The following SLC4A8 variants were observed in gnomAD, a reference collection of about 807,000 sequenced individuals.
SLC4A8 encodes the protein electroneutral sodium bicarbonate exchanger 1.
Under a neutral mutation model 125.0 loss-of-function variants are expected in SLC4A8, and 40 were observed. The observed-to-expected ratio is 0.32, with a 90% CI of 0.25 to 0.42. The LOEUF (loss-of-function observed/expected upper bound fraction) is 0.42, where lower values mean the gene tolerates loss of function less well. Ranked by LOEUF, SLC4A8 falls within the 10% of genes least tolerant of loss-of-function variation. The pLI, the probability that SLC4A8 is intolerant of heterozygous loss-of-function variation, is 1.00. For missense variants in SLC4A8, 863 were observed against 1,355.1 expected, an observed-to-expected ratio of 0.64 and a Z score of 5.70; for synonymous variants, 456 against 476.0, an observed-to-expected ratio of 0.96 and a Z score of 0.55.
At chr12:51,414,589 A>G (rs1212506495) in intron 1 of SLC4A8, among the ~76,000 whole-genome samples, 2 of 152,054 alleles carry the variant, frequency 1.3e-5, no homozygotes, top group East Asian at 1.9e-4. Flanking sequence ...CGTCTCTACA[A>G]AAAATCATAA....
chr12:51,485,722 A>G (rs945612672), intron 16 of SLC4A8, 65 bp from the exon 17 acceptor site: 2 of 852,120 alleles, frequency 2.3e-6, no homozygotes, highest in Non-Finnish European at 3.9e-6. Flanking sequence ...GCCTTTTACA[A>G]TACTAACCTC....
chr12:51,462,420 C>T lies in SLC4A8; in HGVS notation c.1212C>T (p.Ser404=). 1 of 1,592,226 alleles carries T rather than the reference C, an allele frequency of 6.3e-7. No homozygotes were observed. Among genetic ancestry groups the T allele is most frequent in the Non-Finnish European group, 8.5e-7 (1 of 1,171,970 alleles). ...TVLPPGEWDP[S]IRIEPPKNVP... ...TCCCTCCAGGAGAGTGGGATCCCTC[C>T]ATTAGAATTGAGCCACCCAAAAATG... The change falls in exon 10 of 25, where the codon TCC becomes TCT. Residue 404 remains serine (S), a synonymous_variant. Coordinates refer to ENST00000453097, the MANE Select transcript of SLC4A8 (RefSeq NM_001039960.3).
chr12:51,442,099 C>T (rs2138134715), intron 2 of SLC4A8, among the ~76,000 whole-genome samples: 1 of 152,244 alleles, frequency 6.6e-6, no homozygotes, highest in Admixed American at 6.5e-5. Flanking sequence ...GTATCATTAT[C>T]CCTATTTTAC....
intron 5 of SLC4A8, among the ~76,000 whole-genome samples, chr12:51,456,306 A>G (rs1386373344): frequency 1.3e-5 from 2 of 152,200 alleles, no homozygotes; most frequent in Non-Finnish European, 2.9e-5. Flanking sequence ...TTAAAAATAC[A>G]GAAATATGGC....
intron 22 of SLC4A8, among the ~76,000 whole-genome samples, chr12:51,501,333 G>T (rs1592279934): frequency 1.3e-5 from 2 of 152,238 alleles, no homozygotes; most frequent in East Asian, 3.9e-4. Context: ...GGAGTCCCCA[G>T]TGTTTTTTGT....
intron 10 of SLC4A8, 36 bp from the exon 11 acceptor site, chr12:51,463,578 G>T: frequency 6.7e-7 from 1 of 1,497,300 alleles, no homozygotes; most frequent in Non-Finnish European, 9.3e-7. Context: ...AAAGATAGAT[G>T]TTACCTTTAC....
chr12:51,462,250 T>G, intron 9 of SLC4A8, 60 bp from the exon 10 acceptor site: 1 of 1,457,744 alleles, frequency 6.9e-7, no homozygotes, highest in East Asian at 2.3e-5. Flanking sequence ...CCATATCCAT[T>G]GGTGATTGTT....
chr12:51,475,342 C>G (rs1950828042), intron 16 of SLC4A8, 136 bp downstream of exon 16: 3 of 790,140 alleles, frequency 3.8e-6, no homozygotes, highest in Non-Finnish European at 6.3e-6. Context: ...CACTGGCATT[C>G]TCTCCTAGTG....
In SLC4A8 at chr12:51,458,545, T is replaced by A. The variant is rs773494205; in HGVS notation, c.764-14T>A. ...GGCAGGGACTCAGGATTTTGTTTTA[T>A]TTTCTCCAAATAGGTCAAACCGTGT... is the stretch of plus-strand genomic sequence containing the variant. On this transcript the variant is annotated splice_polypyrimidine_tract_variant and intron_variant, in intron 6 of 24. Transcript: ENST00000453097. The A allele has an allele frequency of 6.2e-7, 1 of 1,602,474 alleles. No homozygotes were observed. Among genetic ancestry groups the A allele is most frequent in the Non-Finnish European group, 8.6e-7 (1 of 1,169,548 alleles).
chr12:51,432,337 G>A (rs948986564), intron 1 of SLC4A8, among the ~76,000 whole-genome samples: 2 of 151,212 alleles, frequency 1.3e-5, no homozygotes, highest in Non-Finnish European at 2.9e-5. Flanking sequence ...CATGAACCTG[G>A]GAGGCAGAGC....
At chr12:51,417,061 G>T (rs147735993) in intron 1 of SLC4A8, among the ~76,000 whole-genome samples, 1 of 151,948 alleles carries the variant, frequency 6.6e-6, no homozygotes, top group Non-Finnish European at 1.5e-5. Flanking sequence ...TTTGAGGCAA[G>T]ATCTTATCAA....
intron 1 of SLC4A8, among the ~76,000 whole-genome samples, chr12:51,418,714 T>C (rs1207372953): frequency 1.3e-5 from 2 of 152,212 alleles, no homozygotes; most frequent in African/African-American, 2.4e-5. Flanking sequence ...CTCTATTCCT[T>C]TTTGCCCCAG....
At chr12:51,427,049 C>A (rs1016629499) in intron 1 of SLC4A8, among the ~76,000 whole-genome samples, 1 of 151,598 alleles carries the variant, frequency 6.6e-6, no homozygotes, top group African/African-American at 2.4e-5. Context: ...CGCCATTCTC[C>A]TGCCTCGGTC....
chr12:51,455,081 C>T lies in SLC4A8; in HGVS notation c.574+1382C>T, dbSNP rs2138206316. ...TGCACCGCCCTTAATCCATTTAACT[C>T]TGAGTTGACACAGCACACGTTTCAG... On this transcript the variant is annotated intron_variant, in intron 5 of 24. Transcript: ENST00000453097. Among the ~76,000 whole-genome samples, 4 of 133,318 alleles carry T rather than the reference C, an allele frequency of 3.0e-5. 1 individual carries two copies. The South Asian group carries it at 1.1e-3, about 35-fold the overall frequency. The allele number at this position is 133,318 out of a possible 152,430, so 87.5% of individuals were successfully genotyped here.
At chr12:51,445,860 C>G (rs911431570) in intron 2 of SLC4A8, among the ~76,000 whole-genome samples, 2 of 152,034 alleles carry the variant, frequency 1.3e-5, no homozygotes, top group Admixed American at 6.5e-5. Context: ...CTGACCCCCC[C>G]CAAGCAGAAT....
At chr12:51,497,871 A>AAAAAAAGAAAAG (rs1390877700) in intron 22 of SLC4A8, 1 of 134,738 alleles carries the variant, frequency 7.4e-6, no homozygotes, top group African/African-American at 2.7e-5. Flanking sequence ...CTACAAAAAA[A>AAAAAAAGAAAAG]AAAAGAAAAG....
intron 5 of SLC4A8, among the ~76,000 whole-genome samples, chr12:51,455,052 A>G (rs1400315131): frequency 8.0e-6 from 1 of 125,714 alleles, no homozygotes; most frequent in Non-Finnish European, 1.6e-5. Context: ...AACAAAGCAC[A>G]TCTTGCACCG....
At chr12:51,470,227 G>A (rs1194540923) in intron 12 of SLC4A8, among the ~76,000 whole-genome samples, 165 bp from the exon 13 acceptor site, 5 of 152,050 alleles carry the variant, frequency 3.3e-5, no homozygotes, top group African/African-American at 4.8e-5. Flanking sequence ...AGTAGTATCT[G>A]TTTACAGGAG....
chr12:51,447,105 C>T lies in SLC4A8; in HGVS notation c.131-3771C>T, dbSNP rs1409792626. 3.9e-5 allele frequency among the ~76,000 whole-genome samples: 4 copies of T among 102,924 alleles called. No homozygotes were observed. In the East Asian group the frequency reaches 6.7e-4, roughly 17 times the overall value. 67.5% of individuals were successfully genotyped at this position (102,924 alleles called of 152,430 possible). ...ATCTATCTATCTAGAGATAGGGTCT[C>T]ATTCTGTCACCCAGGCTGGAGTGCG... On this transcript the variant is annotated intron_variant, in intron 2 of 24. Coordinates refer to ENST00000453097, the MANE Select transcript of SLC4A8 (RefSeq NM_001039960.3).
Sources: allele counts gnomAD v4.1 joint callset (sites outside exome capture counted in the v4.1 genomes callset), GRCh38; gene constraint gnomAD v4.1.1; transcripts MANE v1.5; gene names NCBI Gene and HGNC (gene_info 2026-07-23, HGNC 2026-07-21).